Variants in KATNIP observed in about 807,000 individuals in gnomAD.
KATNIP encodes the protein katanin interacting protein, also known as katanin-interacting protein.
KATNIP carries 126 observed loss-of-function variants against 174.0 expected under a neutral mutation model. The observed-to-expected ratio is 0.72, with a 90% CI of 0.63 to 0.84. KATNIP has a LOEUF of 0.84. Ranked by LOEUF, KATNIP falls within the 40% of genes least tolerant of loss-of-function variation. The pLI is 0.00. For missense variants in KATNIP, 1,958 were observed against 2,109.7 expected (o/e 0.93, Z 1.41); for synonymous variants, 810 against 835.7 (o/e 0.97, Z 0.53).
intron 1 of KATNIP, among the ~76,000 whole-genome samples, chr16:27,557,874 T>A (rs1324383303): frequency 6.6e-6 from 1 of 152,228 alleles, no homozygotes; most frequent in Admixed American, 6.5e-5. Context: ...AAATACCTGA[T>A]TGTGGTATTT....
intron 9 of KATNIP, 50 bp from the exon 10 acceptor site, chr16:27,699,484 G>A (rs2079024576): frequency 6.2e-7 from 1 of 1,610,408 alleles, no homozygotes; most frequent in East Asian, 2.2e-5. Context: ...GAACAGCATG[G>A]AGTGAATGGC....
intron 6 of KATNIP, among the ~76,000 whole-genome samples, chr16:27,668,025 T>C (rs576658889): frequency 9.2e-5 from 14 of 152,292 alleles, no homozygotes; most frequent in African/African-American, 3.1e-4. Context: ...ACTTAACACA[T>C]ACATGAACAT....
At chr16:27,552,043 A>G (rs1207028796) in intron 1 of KATNIP, among the ~76,000 whole-genome samples, 1 of 152,182 alleles carries the variant, frequency 6.6e-6, no homozygotes, top group East Asian at 1.9e-4. Context: ...TCTCAAAAAA[A>G]CTCCAACAAC....
At chr16:27,562,579 T>C (rs1338757348) in intron 1 of KATNIP, among the ~76,000 whole-genome samples, 1 of 152,194 alleles carries the variant, frequency 6.6e-6, no homozygotes, top group Non-Finnish European at 1.5e-5. Context: ...AGGTTACACA[T>C]ACATACCCAT....
chr16:27,574,773 AG>A (rs375720252), intron 2 of KATNIP, among the ~76,000 whole-genome samples: 59 of 152,078 alleles, frequency 3.9e-4, no homozygotes, highest in Admixed American at 2.0e-3. Context: ...CATGCTGGCC[AG>A]GCTGGTCTCG....
intron 13 of KATNIP, among the ~76,000 whole-genome samples, chr16:27,720,787 C>T (rs1429027700): frequency 1.3e-5 from 2 of 152,098 alleles, no homozygotes; most frequent in East Asian, 1.9e-4. Flanking sequence ...GTCGAGCCAG[C>T]GTGGACGCGT....
intron 6 of KATNIP, among the ~76,000 whole-genome samples, chr16:27,668,876 T>C (rs1597117559): frequency 6.6e-6 from 1 of 152,236 alleles, no homozygotes; most frequent in Middle Eastern, 3.4e-3. Context: ...TGTGGTGATA[T>C]GCACCTGTAA....
chr16:27,611,521 A>G (rs1596920449), intron 2 of KATNIP, among the ~76,000 whole-genome samples: 1 of 152,210 alleles, frequency 6.6e-6, no homozygotes. Flanking sequence ...TGAAGCCAGG[A>G]CTGGAGCCCA....
chr16:27,642,552 G>A (rs2076831679), intron 5 of KATNIP, among the ~76,000 whole-genome samples: 1 of 152,092 alleles, frequency 6.6e-6, no homozygotes, highest in African/African-American at 2.4e-5. Context: ...GGAAACCCCC[G>A]GTTTTGGTTA....
chr16:27,714,803 A>C (rs892554890), intron 13 of KATNIP, among the ~76,000 whole-genome samples: 2 of 152,222 alleles, frequency 1.3e-5, no homozygotes, highest in Non-Finnish European at 2.9e-5. Context: ...AAGAAACCTA[A>C]GATCTAAGAA....
At chr16:27,591,396 G>A (rs1328112591) in intron 2 of KATNIP, among the ~76,000 whole-genome samples, 1 of 152,006 alleles carries the variant, frequency 6.6e-6, no homozygotes, top group Non-Finnish European at 1.5e-5. Context: ...TCTTGGCCAG[G>A]ATGGTCTTGA....
At chr16:27,585,867 C>T (rs1397860785) in intron 2 of KATNIP, among the ~76,000 whole-genome samples, 1 of 152,004 alleles carries the variant, frequency 6.6e-6, no homozygotes, top group African/African-American at 2.4e-5. Context: ...TTTGGGAGGC[C>T]GAGGCAGGCG....
intron 6 of KATNIP, chr16:27,669,206 G>A: frequency 1.2e-6 from 1 of 817,652 alleles, no homozygotes; most frequent in Non-Finnish European, 1.5e-6. Context: ...CTCAGGCATA[G>A]AAGGCATTAA....
chr16:27,699,360 C>A, intron 9 of KATNIP, 174 bp from the exon 10 acceptor site: 1 of 769,158 alleles, frequency 1.3e-6, no homozygotes, highest in South Asian at 5.9e-5. Context: ...TTTGGGGCAT[C>A]CATCGAGCAG....
chr16:27,584,925 A>G (rs1233600086), intron 2 of KATNIP, among the ~76,000 whole-genome samples: 1 of 152,198 alleles, frequency 6.6e-6, no homozygotes, highest in Non-Finnish European at 1.5e-5. Flanking sequence ...TGCCCTGGGT[A>G]ACACAGCAAG....
At chr16:27,673,477 A>C (rs1449508983) in intron 6 of KATNIP, among the ~76,000 whole-genome samples, 1 of 152,048 alleles carries the variant, frequency 6.6e-6, no homozygotes, top group Non-Finnish European at 1.5e-5. Context: ...AGCTCAATAC[A>C]CTCAATTAGG....
At chr16:27,731,991 C>A (rs542729338) in intron 14 of KATNIP, among the ~76,000 whole-genome samples, 67 of 152,316 alleles carry the variant, frequency 4.4e-4, no homozygotes, top group Admixed American at 2.4e-3. Flanking sequence ...AGCCATTACT[C>A]CACATGTTAG....
chr16:27,665,056 A>G (rs1426558787), intron 6 of KATNIP, among the ~76,000 whole-genome samples: 1 of 150,566 alleles, frequency 6.6e-6, no homozygotes, highest in Admixed American at 6.6e-5. Flanking sequence ...AGCACTGGAA[A>G]TTTTTCATTT....
intron 15 of KATNIP, among the ~76,000 whole-genome samples, chr16:27,743,564 A>T (rs564218554): frequency 1.2e-4 from 19 of 152,318 alleles, no homozygotes; most frequent in African/African-American, 4.6e-4. Flanking sequence ...CGCCTGGCTC[A>T]TGGCAGGTCC....
Sources: gnomAD v4.1 joint callset for allele counts (sites outside exome capture counted in the v4.1 genomes callset) on GRCh38, gnomAD v4.1.1 for gene constraint, MANE v1.5 for transcripts, NCBI Gene and HGNC (gene_info 2026-07-23, HGNC 2026-07-21) for gene names.